Variants in SENP1 observed in about 807,000 individuals in gnomAD.
The protein encoded by SENP1 is SUMO specific peptidase 1.
Under a neutral mutation model 93.0 loss-of-function variants are expected in SENP1, and 21 were observed. The ratio of observed to expected loss-of-function variants is 0.23; its 90% CI spans 0.16 to 0.33. SENP1 has a LOEUF of 0.33. Ranked by LOEUF, SENP1 falls within the 10% of genes least tolerant of loss-of-function variation. The probability of loss-of-function intolerance (pLI) is 1.00; values close to 1 mark genes in which losing one functional copy is unlikely to be tolerated. For synonymous variants in SENP1, 256 were observed against 259.6 expected (o/e 0.99, Z 0.13); for missense variants, 591 against 758.7 (o/e 0.78, Z 2.60).
chr12:48,048,717 T>C (rs1941561767), intron 14 of SENP1, among the ~76,000 whole-genome samples: 2 of 152,164 alleles, frequency 1.3e-5, no homozygotes, highest in Admixed American at 6.6e-5. Flanking sequence ...CTTTTAAATA[T>C]TTCTAGAAAG....
At chr12:48,104,799 C>T (rs922239238) in intron 1 of SENP1, among the ~76,000 whole-genome samples, 2 of 152,184 alleles carry the variant, frequency 1.3e-5, no homozygotes, top group African/African-American at 4.8e-5. Flanking sequence ...TTGTACCCAT[C>T]CACTCCCTCT....
At chr12:48,068,199 G>T (rs529622286) in intron 9 of SENP1, among the ~76,000 whole-genome samples, 1 of 152,084 alleles carries the variant, frequency 6.6e-6, no homozygotes, top group Non-Finnish European at 1.5e-5. Flanking sequence ...GAATAAACAA[G>T]TAATGTAGGG....
In SENP1 at chr12:48,098,046, A is replaced by C. The variant is rs200707917; in HGVS notation, c.83T>G (p.Leu28Arg). 6.2e-7 allele frequency: 1 copy of C among 1,612,378 alleles called. No individual in the cohort carries two copies. Among genetic ancestry groups the C allele is most frequent in the Admixed American group, 1.7e-5 (1 of 59,918 alleles). Residue 28 changes from leucine to arginine, a missense_variant, in exon 3 of 18, where the codon CTC becomes CGC. Coordinates refer to ENST00000549518, the MANE Select transcript of SENP1 (RefSeq NM_001267594.2). The part of the protein sequence containing the change: ...VNHNSVFKTH[L>R]LPQTGFPEDQ... The stretch of plus-strand genomic sequence containing the variant: ...CTCTGGAAAACCTGTTTGTGGCAGG[A>C]GGTGGGTTTTGAATACGGAGTTGTG...
At chr12:48,063,619 GGAC>G in intron 13 of SENP1, 88 bp downstream of exon 13, 1 of 1,313,654 alleles carries the variant, frequency 7.6e-7, no homozygotes, top group Admixed American at 1.9e-5. Context: ...GGTCATCCAT[GGAC>G]CACATTTTGA....
At chr12:48,047,228 T>G (rs1941436972) in intron 15 of SENP1, among the ~76,000 whole-genome samples, 166 bp from the exon 16 acceptor site, 1 of 152,194 alleles carries the variant, frequency 6.6e-6, no homozygotes, top group Non-Finnish European at 1.5e-5. Context: ...TTAAGTTTTC[T>G]CCAGAGCTGA....
At chr12:48,065,791 C>A (rs1943256551) in intron 10 of SENP1, 111 bp from the exon 11 acceptor site, 1 of 650,062 alleles carries the variant, frequency 1.5e-6, no homozygotes, top group South Asian at 2.0e-5. Flanking sequence ...AGTCTAAAAT[C>A]CTTACACTAA....
chr12:48,104,238 G>T (rs371498257), intron 1 of SENP1, among the ~76,000 whole-genome samples: 42,769 of 70,210 alleles, frequency 0.61, 12,017 homozygotes, highest in East Asian at 0.81. Flanking sequence ...TATATATAGA[G>T]AGAGAGAGAG....
At chr12:48,061,421 T>C (rs9630296) in intron 13 of SENP1, among the ~76,000 whole-genome samples, 14,939 of 152,248 alleles carry the variant, frequency 0.098, 856 homozygotes, top group African/African-American at 0.14. Flanking sequence ...TTGTATTCTT[T>C]TGAAGACACA....
intron 14 of SENP1, 125 bp downstream of exon 14, chr12:48,048,804 A>G: frequency 1.5e-6 from 1 of 681,632 alleles, no homozygotes; most frequent in Non-Finnish European, 2.5e-6. Flanking sequence ...ATTTTAGTCA[A>G]CCTACTACTA....
Position 48,083,186 on chromosome 12 carries a change from T to C in SENP1, c.552+405A>G, listed in dbSNP as rs530626914. On this transcript the variant is annotated intron_variant, in intron 6 of 17. Coordinates refer to ENST00000549518, the MANE Select transcript of SENP1 (RefSeq NM_001267594.2). ...TCCCACTGTGCTGGGATCATAGGCATGAGCCACGTCACGTGGACTGAAATA... is the reference window on the plus strand; with the variant it reads ...TCCCACTGTGCTGGGATCATAGGCACGAGCCACGTCACGTGGACTGAAATA... Among the ~76,000 whole-genome samples the C allele has an allele frequency of 4.6e-5, 7 of 152,342 alleles. No individual in the cohort carries two copies. The South Asian group carries it at 1.4e-3, about 32-fold the overall frequency.
At chr12:48,086,132 A>G (rs760610874) in intron 5 of SENP1, among the ~76,000 whole-genome samples, 7 of 152,204 alleles carry the variant, frequency 4.6e-5, no homozygotes, top group Non-Finnish European at 1.0e-4. Flanking sequence ...TAATGACACT[A>G]AAAAAGGAAC....
At chr12:48,086,399 T>C (rs1944863941) in intron 5 of SENP1, among the ~76,000 whole-genome samples, 1 of 152,218 alleles carries the variant, frequency 6.6e-6, no homozygotes, top group African/African-American at 2.4e-5. Flanking sequence ...TGATATTAAT[T>C]ATTAGGTGAT....
At chr12:48,046,003 G>A (rs933812239) in intron 17 of SENP1, among the ~76,000 whole-genome samples, 10 of 152,160 alleles carry the variant, frequency 6.6e-5, no homozygotes, top group African/African-American at 2.4e-4. Flanking sequence ...TTGAGGTATG[G>A]CCTATTCCCA....
intron 10 of SENP1, among the ~76,000 whole-genome samples, chr12:48,066,591 A>G (rs1304896492): frequency 6.6e-6 from 1 of 150,518 alleles, no homozygotes; most frequent in African/African-American, 2.4e-5. Context: ...GGCTCACTGC[A>G]ACCTCCACCT....
chr12:48,063,667 C>T (rs757389085), intron 13 of SENP1, 43 bp downstream of exon 13: 2 of 1,584,932 alleles, frequency 1.3e-6, no homozygotes, highest in South Asian at 1.1e-5. Flanking sequence ...TTAACTGCCA[C>T]TTAATGTTTA....
chr12:48,045,469 G>T, intron 17 of SENP1, 85 bp from the exon 18 acceptor site: 4 of 1,098,098 alleles, frequency 3.6e-6, no homozygotes, highest in East Asian at 2.4e-5. Context: ...TCTTTTGCAA[G>T]GTTTTCAACA....
chr12:48,063,725 A>G lies in SENP1; in HGVS notation c.1392T>C (p.Asn464=). 1.2e-6 allele frequency: 2 copies of G among 1,612,936 alleles called. No homozygotes were observed. Among genetic ancestry groups the G allele is most frequent in the Non-Finnish European group, 1.7e-6 (2 of 1,179,282 alleles). The stretch of plus-strand genomic sequence containing the variant: ...GCAACATTACCTCATCATTGAGCCA[A>G]TTCAGATGGTTTAGAGTTTGAATAT... The part of the protein sequence containing the change: ...RKDIQTLNHL[N]WLNDEIINFY... Residue 464 remains asparagine, a synonymous_variant, in exon 13 of 18, where the codon AAT becomes AAC. Coordinates refer to ENST00000549518, the MANE Select transcript of SENP1 (RefSeq NM_001267594.2).
At chr12:48,096,266 G>T (rs1313801365) in intron 4 of SENP1, 77 bp downstream of exon 4, 5 of 745,184 alleles carry the variant, frequency 6.7e-6, no homozygotes, top group South Asian at 1.7e-5. Context: ...TACTTTTGGA[G>T]ATGATAAACA....
chr12:48,085,491 C>A, intron 5 of SENP1: 1 of 565,960 alleles, frequency 1.8e-6, no homozygotes, highest in South Asian at 2.9e-5. Context: ...CCAGGCTTGC[C>A]ATCAGCCTTC....
Sources: gnomAD v4.1 joint callset for allele counts (sites outside exome capture counted in the v4.1 genomes callset) on GRCh38, gnomAD v4.1.1 for gene constraint, MANE v1.5 for transcripts, NCBI Gene and HGNC (gene_info 2026-07-23, HGNC 2026-07-21) for gene names.